CCDC192: variants seen among roughly 807,000 people sequenced by gnomAD.
CCDC192 encodes coiled-coil domain containing 192, also known as coiled-coil domain-containing protein 192.
intron 3 of CCDC192, among the ~76,000 whole-genome samples, chr5:127,794,898 A>G (rs1468477647): frequency 6.6e-6 from 1 of 152,204 alleles, no homozygotes; most frequent in East Asian, 1.9e-4. Flanking sequence ...TCTGAACATT[A>G]GAGTGGTTAT....
At chr5:127,922,713 A>C (rs1753755158) in intron 6 of CCDC192, among the ~76,000 whole-genome samples, 1 of 152,216 alleles carries the variant, frequency 6.6e-6, no homozygotes, top group African/African-American at 2.4e-5. Flanking sequence ...ACACTACTGC[A>C]CTCCAGCCTG....
intron 6 of CCDC192, among the ~76,000 whole-genome samples, chr5:127,888,321 C>T (rs553105391): frequency 6.6e-6 from 1 of 151,896 alleles, no homozygotes; most frequent in African/African-American, 2.4e-5. Flanking sequence ...GAGGCTGAGG[C>T]AGGAGAATCA....
chr5:127,909,782 A>G (rs1394632311), intron 6 of CCDC192, among the ~76,000 whole-genome samples: 2 of 152,210 alleles, frequency 1.3e-5, no homozygotes, highest in Non-Finnish European at 2.9e-5. Flanking sequence ...TTCTTTTTAA[A>G]ATTTTCTGGT....
rs937137616 is a variant in CCDC192, at chr5:127,754,502, C to CAT, written c.222+128_222+129insTA. 80 of 386,790 alleles carry CAT rather than the reference C, an allele frequency of 2.1e-4. No homozygotes were observed. In the Middle Eastern group the frequency reaches 2.6e-3, roughly 13 times the overall value. The allele number at this position is 386,790 out of a possible 1,614,324, so 24.0% of individuals were successfully genotyped here. A position where few individuals can be genotyped will look rare whatever the true frequency, so the allele number is the denominator to read the frequency against. On this transcript the variant is annotated intron_variant, in intron 3 of 6. Coordinates refer to ENST00000514853, the MANE Select transcript of CCDC192 (RefSeq NM_001317938.2). ...ACACACACACACACACATACACACACACACACACACATTGCAGTATGCCCC... is the reference window on the plus strand; with the variant it reads ...ACACACACACACACACATACACACACATACACACACACATTGCAGTATGCCCC...
At chr5:127,799,269 C>T (rs866057454) in intron 5 of CCDC192, among the ~76,000 whole-genome samples, 1 of 152,122 alleles carries the variant, frequency 6.6e-6, no homozygotes. Context: ...TAATTGTCCC[C>T]ATTTTTGTGC....
chr5:127,777,415 T>C lies in CCDC192; in HGVS notation c.223-19688T>C, dbSNP rs971084132. ...ACACCCCTTGTATCTAGGAAGTAAC[T>C]AACTTGCTTTTGATTTTACAGGCTC... On this transcript the variant is annotated intron_variant, in intron 3 of 6. Transcript: ENST00000514853. Among the ~76,000 whole-genome samples, 25 of 152,212 alleles carry C rather than the reference T, an allele frequency of 1.6e-4. 1 individual carries two copies. The highest frequency in any genetic ancestry group is 1.6e-3 in the Admixed American group (25 of 15,276).
rs532142422 is a variant in CCDC192, at chr5:127,726,534, G to T, written c.114+18774G>T. Among the ~76,000 whole-genome samples the T allele has an allele frequency of 4.8e-4, 73 of 152,312 alleles. 1 individual carries two copies. The highest frequency in any genetic ancestry group is 1.7e-3 in the African/African-American group (72 of 41,570). ...TAACAAGAAGGTCGCCCAGAGAAGG[G>T]GCAGCAGCCATCACTGCAGCTCCAG... On this transcript the variant is annotated intron_variant, in intron 2 of 6. Transcript: ENST00000514853.
At chr5:127,925,429 C>T (rs76571823) in intron 6 of CCDC192, among the ~76,000 whole-genome samples, 4,262 of 152,180 alleles carry the variant, frequency 0.028, 214 homozygotes, top group African/African-American at 0.095. Flanking sequence ...AATTGAAAGA[C>T]GAGTATTCCA....
intron 5 of CCDC192, among the ~76,000 whole-genome samples, chr5:127,809,317 T>A (rs1245013160): frequency 6.6e-6 from 1 of 151,920 alleles, no homozygotes. Flanking sequence ...GGAAAAAAAA[T>A]AGAATACACA....
chr5:127,710,315 G>A (rs1751250687), intron 2 of CCDC192, among the ~76,000 whole-genome samples: 1 of 152,060 alleles, frequency 6.6e-6, no homozygotes, highest in African/African-American at 2.4e-5. Context: ...ATGAGGAACC[G>A]AATTGCAGGT....
At chr5:127,717,928 C>CAAAAAAAAAAAAAAAAAAAAAACAAGA in intron 2 of CCDC192, among the ~76,000 whole-genome samples, 1 of 98,074 alleles carries the variant, frequency 1.0e-5, no homozygotes, top group Non-Finnish European at 2.0e-5. Flanking sequence ...TAAAGCTAGA[C>CAAAAAAAAAAAAAAAAAAAAAACAAGA]AAAAAAAAAA....
intron 2 of CCDC192, among the ~76,000 whole-genome samples, chr5:127,713,001 G>A (rs892746901): frequency 3.9e-5 from 6 of 152,134 alleles, no homozygotes; most frequent in East Asian, 1.9e-4. Context: ...TTGGGAGGCC[G>A]AGGTGGGCGG....
chr5:127,813,694 A>T (rs1758205458), intron 5 of CCDC192, among the ~76,000 whole-genome samples: 1 of 152,216 alleles, frequency 6.6e-6, no homozygotes, highest in South Asian at 2.1e-4. Flanking sequence ...TAAAAAAATG[A>T]TTCAGACAGA....
chr5:127,836,894 G>A (rs1239164837), intron 5 of CCDC192, among the ~76,000 whole-genome samples: 1 of 81,950 alleles, frequency 1.2e-5, no homozygotes, highest in African/African-American at 4.0e-5. Flanking sequence ...CATTGCCTTG[G>A]TAATTAACAT....
chr5:127,757,464 G>A lies in CCDC192; in HGVS notation c.222+3089G>A, dbSNP rs573333427. ...GGGGTCAATCAACACTGTTGTCAGA[G>A]GATTTAATCCTGAGATTTTTGCTTT... On this transcript the variant is annotated intron_variant, in intron 3 of 6. Transcript: ENST00000514853. 7.2e-5 allele frequency among the ~76,000 whole-genome samples: 11 copies of A among 152,068 alleles called. No homozygotes were observed. In the East Asian group the frequency reaches 1.9e-3, roughly 27 times the overall value.
chr5:127,774,743 A>G (rs1414653795), intron 3 of CCDC192, among the ~76,000 whole-genome samples: 1 of 152,144 alleles, frequency 6.6e-6, no homozygotes, highest in African/African-American at 2.4e-5. Context: ...GGATCCTTTG[A>G]GATTTCATAT....
intron 5 of CCDC192, among the ~76,000 whole-genome samples, chr5:127,799,266 C>T (rs1022313825): frequency 6.6e-6 from 1 of 152,038 alleles, no homozygotes; most frequent in Non-Finnish European, 1.5e-5. Context: ...TGGTAATTGT[C>T]CCCATTTTTG....
chr5:127,705,496 CT>C (rs752724897), intron 1 of CCDC192, among the ~76,000 whole-genome samples: 18 of 152,096 alleles, frequency 1.2e-4, no homozygotes, highest in Non-Finnish European at 2.4e-4. Flanking sequence ...AAGCACAGTC[CT>C]TGTCCTCTAT....
intron 5 of CCDC192, among the ~76,000 whole-genome samples, chr5:127,866,003 T>C (rs1440330588): frequency 6.6e-6 from 1 of 152,076 alleles, no homozygotes; most frequent in Non-Finnish European, 1.5e-5. Flanking sequence ...AACAGATAAC[T>C]GAGAAGAGGA....
Sources: allele counts gnomAD v4.1 joint callset (sites outside exome capture counted in the v4.1 genomes callset), GRCh38; gene constraint gnomAD v4.1.1; transcripts MANE v1.5; gene names NCBI Gene and HGNC (gene_info 2026-07-23, HGNC 2026-07-21).